TNR: variants seen among roughly 807,000 people sequenced by gnomAD.
TNR encodes the protein tenascin-R.
TNR carries 45 observed loss-of-function variants against 150.4 expected under a neutral mutation model. That is an observed-to-expected ratio of 0.30 (90% CI 0.24 to 0.38). TNR has a LOEUF of 0.38. Ranked by LOEUF, TNR falls within the 10% of genes least tolerant of loss-of-function variation. The pLI is 1.00. For missense variants in TNR, 1,544 were observed against 1,759.1 expected (o/e 0.88, Z 2.19); for synonymous variants, 687 against 678.4 (o/e 1.01, Z -0.20).
At position 175,396,605 on chromosome 1, in the gene TNR, G is replaced by C; in HGVS notation, c.1179C>G (p.Ile393Met). 6.2e-7 allele frequency: 1 copy of C among 1,614,240 alleles called. No homozygotes were observed. The change falls in exon 5 of 23, where the codon ATC (isoleucine) becomes ATG (methionine). Residue 393 changes from isoleucine to methionine, a missense_variant. Coordinates refer to ENST00000367674, the MANE Select transcript of TNR (RefSeq NM_003285.3). ...TGTTGCTAATGACAGCGTAGACGCT[G>C]ATGTTGTAGGTGAGACCTGGCTCCA... is the stretch of plus-strand genomic sequence containing the variant. ...TELEPGLTYN[I>M]SVYAVISNIL... is the part of the protein sequence containing the mutation.
Position 175,579,726 on chromosome 1 carries a change from A to G in TNR, c.-164-51357T>C, listed in dbSNP as rs185749984. Among the ~76,000 whole-genome samples the G allele has an allele frequency of 3.6e-3, 544 of 151,818 alleles. 3 individuals are homozygous for G. Among genetic ancestry groups the G allele is most frequent in the Middle Eastern group, 6.8e-3 (2 of 294 alleles). ...AAATGGGGTAGGAGACAAAGAGGCC[A>G]GGGCAGGGGTTCCGTCCTTGGAAAT... On this transcript the variant is annotated intron_variant, in intron 1 of 22. Coordinates refer to ENST00000367674, the MANE Select transcript of TNR (RefSeq NM_003285.3).
At chr1:175,518,146 C>T (rs17304735) in intron 2 of TNR, among the ~76,000 whole-genome samples, 1 of 152,142 alleles carries the variant, frequency 6.6e-6, no homozygotes, top group African/African-American at 2.4e-5. Context: ...CTTCTGTAAG[C>T]AGTTGTGTTT....
At chr1:175,530,579 G>A (rs954201945) in intron 1 of TNR, among the ~76,000 whole-genome samples, 1 of 152,112 alleles carries the variant, frequency 6.6e-6, no homozygotes, top group Admixed American at 6.5e-5. Flanking sequence ...GGATGTTTTT[G>A]TTTATAGTTT....
intron 9 of TNR, among the ~76,000 whole-genome samples, chr1:175,373,627 T>C (rs1302828310): frequency 6.6e-6 from 1 of 152,216 alleles, no homozygotes; most frequent in African/African-American, 2.4e-5. Context: ...TTCTAAGGCC[T>C]GTTTCCAGAT....
At chr1:175,578,606 C>T (rs1217671364) in intron 1 of TNR, among the ~76,000 whole-genome samples, 3 of 152,150 alleles carry the variant, frequency 2.0e-5, no homozygotes, top group African/African-American at 7.2e-5. Flanking sequence ...ACCCTCAAGG[C>T]CACAGCTCCA....
intron 2 of TNR, among the ~76,000 whole-genome samples, chr1:175,462,109 C>T (rs1229233846): frequency 6.6e-6 from 1 of 152,204 alleles, no homozygotes; most frequent in African/African-American, 2.4e-5. Flanking sequence ...AGAGAATGTC[C>T]AGTTGCTCTG....
chr1:175,742,737 C>G (rs1667965730), intron 1 of TNR, among the ~76,000 whole-genome samples: 1 of 152,162 alleles, frequency 6.6e-6, no homozygotes, highest in Non-Finnish European at 1.5e-5. Context: ...CTTTAAAGCT[C>G]TCTCAGAGGT....
chr1:175,701,173 C>A (rs975895175), intron 1 of TNR, among the ~76,000 whole-genome samples: 2 of 152,166 alleles, frequency 1.3e-5, no homozygotes, highest in Non-Finnish European at 2.9e-5. Flanking sequence ...TTGCTTTTTG[C>A]CTTTGCAGTT....
intron 2 of TNR, among the ~76,000 whole-genome samples, chr1:175,441,698 C>T (rs1384146308): frequency 2.0e-5 from 3 of 152,120 alleles, no homozygotes. Context: ...GAAATCACTA[C>T]AATTCATCTA....
intron 2 of TNR, among the ~76,000 whole-genome samples, chr1:175,417,516 G>A (rs560455293): frequency 5.3e-5 from 8 of 152,226 alleles, no homozygotes; most frequent in South Asian, 4.2e-4. Flanking sequence ...GGGACTGGTC[G>A]CATATTAACG....
intron 1 of TNR, among the ~76,000 whole-genome samples, chr1:175,651,416 G>C (rs531399816): frequency 6.6e-6 from 1 of 151,990 alleles, no homozygotes; most frequent in South Asian, 2.1e-4. Context: ...AAGCATAAAG[G>C]TTTTTTGCCC....
chr1:175,637,326 T>C (rs1363334527), intron 1 of TNR, among the ~76,000 whole-genome samples: 1 of 152,208 alleles, frequency 6.6e-6, no homozygotes, highest in East Asian at 1.9e-4. Context: ...CAGGGATCCA[T>C]AATAATGAAA....
chr1:175,487,942 G>T (rs144946387), intron 2 of TNR, among the ~76,000 whole-genome samples: 79 of 152,340 alleles, frequency 5.2e-4, no homozygotes, highest in African/African-American at 1.8e-3. Context: ...CAGGGTGTGT[G>T]CAGGAGAGTG....
chr1:175,413,538 C>T (rs2102054819), intron 2 of TNR, among the ~76,000 whole-genome samples: 1 of 152,334 alleles, frequency 6.6e-6, no homozygotes, highest in Admixed American at 6.5e-5. Context: ...CCAAAGGCAA[C>T]AACTTAGAAG....
intron 1 of TNR, among the ~76,000 whole-genome samples, chr1:175,718,580 T>G (rs140170074): frequency 6.6e-6 from 1 of 152,214 alleles, no homozygotes; most frequent in Non-Finnish European, 1.5e-5. Context: ...CCTGGGCTTG[T>G]GGCAAAGCCA....
At chr1:175,611,013 G>A (rs886851876) in intron 1 of TNR, among the ~76,000 whole-genome samples, 9 of 152,156 alleles carry the variant, frequency 5.9e-5, no homozygotes, top group South Asian at 2.1e-4. Flanking sequence ...TAACCTGTCC[G>A]GATGCTGTTG....
chr1:175,365,053 A>G lies in TNR; in HGVS notation c.2544T>C (p.His848=), dbSNP rs920011863. The change falls in exon 12 of 23, where the codon CAT becomes CAC. Residue 848 remains histidine, a synonymous_variant. Coordinates refer to ENST00000367674, the MANE Select transcript of TNR (RefSeq NM_003285.3). ...CAATGGGCTCAGAGGTCACTGTGCC[A>G]TGGACAGCCACAAGGTTCACAATAT... ...TEYIVNLVAV[H]GTVTSEPIVG... 15 of 1,613,822 alleles carry G rather than the reference A, an allele frequency of 9.3e-6. No homozygotes were observed. The highest frequency in any genetic ancestry group is 1.3e-5 in the African/African-American group (1 of 74,924).
chr1:175,503,141 T>C (rs1021601937), intron 2 of TNR, among the ~76,000 whole-genome samples: 1 of 152,118 alleles, frequency 6.6e-6, no homozygotes, highest in African/African-American at 2.4e-5. Flanking sequence ...TTGCTGAGGA[T>C]GACTGGGAGA....
At chr1:175,370,985 C>A (rs959531648) in intron 9 of TNR, among the ~76,000 whole-genome samples, 1 of 151,606 alleles carries the variant, frequency 6.6e-6, no homozygotes, top group Non-Finnish European at 1.5e-5. Context: ...GTGCCTGCTG[C>A]TTTCCTTTGA....
Sources: allele counts gnomAD v4.1 joint callset (sites outside exome capture counted in the v4.1 genomes callset), GRCh38; gene constraint gnomAD v4.1.1; transcripts MANE v1.5; gene names NCBI Gene and HGNC (gene_info 2026-07-23, HGNC 2026-07-21).